Variants in ADAMTS3 observed in about 807,000 individuals in gnomAD.
The protein encoded by ADAMTS3 is ADAM metallopeptidase with thrombospondin type 1 motif 3.
ADAMTS3 carries 73 observed loss-of-function variants against 129.0 expected under a neutral mutation model. The ratio of observed to expected loss-of-function variants is 0.57; its 90% CI spans 0.47 to 0.69. ADAMTS3 has a LOEUF of 0.69. ADAMTS3 is among the 30% of genes least tolerant of loss of function. The probability of loss-of-function intolerance (pLI) is 0.00; values close to 1 mark genes in which losing one functional copy is unlikely to be tolerated. For missense variants in ADAMTS3, 1,457 were observed against 1,514.5 expected (o/e 0.96, Z 0.63); for synonymous variants, 477 against 510.8 (o/e 0.93, Z 0.89).
Position 72,389,008 on chromosome 4 carries a change from C to T in ADAMTS3, c.661+25807G>A, listed in dbSNP as rs115289421. 1.5e-3 allele frequency among the ~76,000 whole-genome samples: 231 copies of T among 152,292 alleles called. 1 individual carries two copies. Among genetic ancestry groups the T allele is most frequent in the African/African-American group, 4.9e-3 (203 of 41,564 alleles). On this transcript the variant is annotated intron_variant, in intron 4 of 21. Coordinates refer to ENST00000286657, the MANE Select transcript of ADAMTS3 (RefSeq NM_014243.3). The stretch of plus-strand genomic sequence containing the variant: ...CTGAGATTTTGTTGGGGGCTGGTCA[C>T]GTAGCCATCCTCGGCCTAGCACAAA...
intron 3 of ADAMTS3, among the ~76,000 whole-genome samples, chr4:72,450,950 AGGC>A (rs1718384026): frequency 1.4e-5 from 2 of 145,342 alleles, no homozygotes; most frequent in African/African-American, 5.1e-5. Flanking sequence ...GAAGGAAGGC[AGGC>A]AGGCAGGCAG....
intron 3 of ADAMTS3, among the ~76,000 whole-genome samples, chr4:72,499,005 A>C (rs1719941631): frequency 6.6e-6 from 1 of 152,100 alleles, no homozygotes; most frequent in Non-Finnish European, 1.5e-5. Flanking sequence ...ATCATACGGA[A>C]TATTTGATAA....
intron 4 of ADAMTS3, among the ~76,000 whole-genome samples, chr4:72,393,403 T>C (rs1024481895): frequency 5.3e-5 from 8 of 152,204 alleles, no homozygotes; most frequent in African/African-American, 1.9e-4. Flanking sequence ...ATTTCCTCTT[T>C]GTTGTTTTAA....
chr4:72,465,675 G>A (rs1017007818), intron 3 of ADAMTS3, among the ~76,000 whole-genome samples: 1 of 151,912 alleles, frequency 6.6e-6, no homozygotes, highest in Non-Finnish European at 1.5e-5. Flanking sequence ...TAAATACAAA[G>A]CACACACTTA....
Position 72,568,815 on chromosome 4 carries a change from ACCCAC to A in ADAMTS3, c.-58_-54del. On this transcript the variant is annotated 5_prime_UTR_variant, in exon 1 of 22. Coordinates refer to ENST00000286657, the MANE Select transcript of ADAMTS3 (RefSeq NM_014243.3). ...TGGGCAAAGCAAATGCCCAGAGCAA[ACCCAC>A]CCCCCCCGCCCAAAATAAGTTTCTT... 4 of 1,149,996 alleles carry A rather than the reference ACCCAC, an allele frequency of 3.5e-6. No individual in the cohort carries two copies. Among genetic ancestry groups the A allele is most frequent in the Admixed American group, 2.7e-5 (1 of 36,970 alleles). 71.2% of individuals were successfully genotyped at this position (1,149,996 alleles called of 1,614,324 possible). A position where few individuals can be genotyped will look rare whatever the true frequency, so the allele number is the denominator to read the frequency against.
intron 2 of ADAMTS3, among the ~76,000 whole-genome samples, chr4:72,563,028 T>G (rs1721941430): frequency 6.6e-6 from 1 of 152,150 alleles, no homozygotes; most frequent in South Asian, 2.1e-4. Flanking sequence ...ATAATCTGGG[T>G]TGGCTACTCA....
chr4:72,530,613 A>G (rs1412297350), intron 3 of ADAMTS3, among the ~76,000 whole-genome samples: 1 of 87,528 alleles, frequency 1.1e-5, no homozygotes, highest in African/African-American at 4.7e-5. Context: ...AATATATATT[A>G]TATAATATAT....
At chr4:72,480,709 T>A (rs1203609104) in intron 3 of ADAMTS3, among the ~76,000 whole-genome samples, 3 of 131,670 alleles carry the variant, frequency 2.3e-5, no homozygotes, top group South Asian at 2.4e-4. Flanking sequence ...AATAAAAAAA[T>A]AAAAAATAAA....
At chr4:72,350,186 T>C (rs1720395866) in intron 4 of ADAMTS3, among the ~76,000 whole-genome samples, 1 of 152,054 alleles carries the variant, frequency 6.6e-6, no homozygotes, top group African/African-American at 2.4e-5. Flanking sequence ...AAAACTATTC[T>C]TAGTCTAAGG....
At chr4:72,289,008 G>T in intron 20 of ADAMTS3, 140 bp from the exon 21 acceptor site, 1 of 585,846 alleles carries the variant, frequency 1.7e-6, no homozygotes, top group Non-Finnish European at 3.0e-6. Context: ...ATTAAGTAAT[G>T]CTGCACAGTG....
At chr4:72,382,309 TA>T (rs1721313651) in intron 4 of ADAMTS3, among the ~76,000 whole-genome samples, 1 of 152,002 alleles carries the variant, frequency 6.6e-6, no homozygotes, top group African/African-American at 2.4e-5. Context: ...AATGACTACA[TA>T]GTAGTCATGG....
rs1722095236 is a variant in ADAMTS3 at position 72,569,006 on chromosome 4, A to T, written c.-244T>A. ...CCCGTCCTCCCAACACAGAGTGTGC[A>T]GGAGCGAGAAGGTGCTGTAAGCGGG... On this transcript the variant is annotated 5_prime_UTR_variant, in exon 1 of 22. Coordinates refer to ENST00000286657, the MANE Select transcript of ADAMTS3 (RefSeq NM_014243.3). 1 of 563,430 alleles carries T rather than the reference A, an allele frequency of 1.8e-6. No individual in the cohort carries two copies. The highest frequency in any genetic ancestry group is 3.2e-6 in the Non-Finnish European group (1 of 316,112). 34.9% of individuals were successfully genotyped at this position (563,430 alleles called of 1,614,324 possible).
Position 72,461,477 on chromosome 4 carries a change from C to A in ADAMTS3, c.505-46506G>T, listed in dbSNP as rs182730820. ...TTTAGTCAATTCCATCTGTTAGTGGCAGCATATGCTATATAGCTCCAGAAA... is the reference window on the plus strand; with the variant it reads ...TTTAGTCAATTCCATCTGTTAGTGGAAGCATATGCTATATAGCTCCAGAAA... On this transcript the variant is annotated intron_variant, in intron 3 of 21. Coordinates refer to ENST00000286657, the MANE Select transcript of ADAMTS3 (RefSeq NM_014243.3). Among the ~76,000 whole-genome samples, 120 of 151,806 alleles carry A rather than the reference C, an allele frequency of 7.9e-4. 2 individuals are homozygous for A. Among genetic ancestry groups the A allele is most frequent in the Non-Finnish European group, 2.8e-4 (19 of 67,778 alleles).
In ADAMTS3 at chr4:72,281,649, C is replaced by T. The variant is rs1718346184; in HGVS notation, c.*1487G>A. ...AACTACTAAAAATGCAAGATGTTTG[C>T]ATAACATCAAATTTGTTCAGTTTTA... is the stretch of plus-strand genomic sequence containing the variant. On this transcript the variant is annotated 3_prime_UTR_variant, in exon 22 of 22. Coordinates refer to ENST00000286657, the MANE Select transcript of ADAMTS3 (RefSeq NM_014243.3). 1 of 152,142 alleles carries T rather than the reference C, an allele frequency of 6.6e-6. No homozygotes were observed. Among genetic ancestry groups the T allele is most frequent in the Admixed American group, 6.6e-5 (1 of 15,258 alleles). 9.4% of individuals were successfully genotyped at this position (152,142 alleles called of 1,614,324 possible).
chr4:72,391,500 T>G (rs1204859226), intron 4 of ADAMTS3, among the ~76,000 whole-genome samples: 1 of 152,120 alleles, frequency 6.6e-6, no homozygotes, highest in African/African-American at 2.4e-5. Context: ...AAAGCCCTTG[T>G]GAGTCAGGAC....
At chr4:72,480,730 CAA>C (rs1442235237) in intron 3 of ADAMTS3, among the ~76,000 whole-genome samples, 1 of 147,628 alleles carries the variant, frequency 6.8e-6, no homozygotes, top group Non-Finnish European at 1.5e-5. Flanking sequence ...AAAAGAGAAA[CAA>C]GAGGAAATAA....
intron 19 of ADAMTS3, among the ~76,000 whole-genome samples, chr4:72,294,143 T>A (rs1718747616): frequency 1.3e-5 from 2 of 151,964 alleles, no homozygotes; most frequent in African/African-American, 2.4e-5. Flanking sequence ...ACAACATAGA[T>A]GAAACTGGAG....
At chr4:72,387,661 G>A (rs1450098985) in intron 4 of ADAMTS3, among the ~76,000 whole-genome samples, 1 of 152,064 alleles carries the variant, frequency 6.6e-6, no homozygotes, top group Non-Finnish European at 1.5e-5. Flanking sequence ...GCAAATAGAG[G>A]CATCTAAAGT....
chr4:72,344,642 A>T (rs953907888), intron 4 of ADAMTS3, among the ~76,000 whole-genome samples: 2 of 152,164 alleles, frequency 1.3e-5, no homozygotes, highest in Non-Finnish European at 2.9e-5. Flanking sequence ...TTGATGGCTT[A>T]TGACTCCTCA....
Sources: gnomAD v4.1 joint callset for allele counts (sites outside exome capture counted in the v4.1 genomes callset) on GRCh38, gnomAD v4.1.1 for gene constraint, MANE v1.5 for transcripts, NCBI Gene and HGNC (gene_info 2026-07-23, HGNC 2026-07-21) for gene names.